Variants in CYLD observed in about 807,000 individuals in gnomAD.
CYLD encodes CYLD lysine 63 deubiquitinase, also known as ubiquitin carboxyl-terminal hydrolase CYLD.
CYLD carries 26 observed loss-of-function variants against 104.5 expected under a neutral mutation model. The ratio of observed to expected loss-of-function variants is 0.25; its 90% CI spans 0.18 to 0.35. CYLD has a LOEUF of 0.35. Ranked by LOEUF, CYLD falls within the 10% of genes least tolerant of loss-of-function variation. CYLD has a pLI of 1.00. For missense variants in CYLD, 703 were observed against 1,136.1 expected (o/e 0.62, Z 5.48); for synonymous variants, 385 against 399.9 (o/e 0.96, Z 0.45).
At chr16:50,752,915 A>G (rs1966748054) in intron 4 of CYLD, among the ~76,000 whole-genome samples, 1 of 152,216 alleles carries the variant, frequency 6.6e-6, no homozygotes, top group African/African-American at 2.4e-5. Flanking sequence ...TTTATCATAT[A>G]TTGAACATAT....
Position 50,794,442 on chromosome 16 carries a change from C to T in CYLD, c.2686+14C>T. On this transcript the variant is annotated intron_variant, in intron 18 of 18. Transcript: ENST00000427738. The surrounding 1 kb of genome is among the most constrained non-coding windows in gnomAD (Gnocchi z 4.1). ...CCGATCGGGATGGTACTGAAAACGC[C>T]TTTCTTCTGCATGTGGCACAGGGTT... is the stretch of plus-strand genomic sequence containing the variant. 1 of 1,613,062 alleles carries T rather than the reference C, an allele frequency of 6.2e-7. No homozygotes were observed. Among genetic ancestry groups the T allele is most frequent in the Non-Finnish European group, 8.5e-7 (1 of 1,179,098 alleles).
At chr16:50,779,474 C>A (rs1009024419) in intron 8 of CYLD, among the ~76,000 whole-genome samples, 191 bp from the exon 9 acceptor site, 1 of 151,992 alleles carries the variant, frequency 6.6e-6, no homozygotes, top group African/African-American at 2.4e-5. Flanking sequence ...GACTGAGGTG[C>A]ATAAATATGG....
intron 5 of CYLD, among the ~76,000 whole-genome samples, chr16:50,771,971 C>T (rs1969206945): frequency 6.6e-6 from 1 of 152,172 alleles, no homozygotes; most frequent in Non-Finnish European, 1.5e-5. Context: ...ACTAGTAAGT[C>T]TTGCAATCTA....
chr16:50,758,996 T>G (rs767575394), intron 5 of CYLD, among the ~76,000 whole-genome samples: 22 of 152,142 alleles, frequency 1.4e-4, no homozygotes, highest in Non-Finnish European at 3.1e-4. Flanking sequence ...CTCAGCACTT[T>G]AGGAAGCCGA....
At chr16:50,761,770 C>CTATCTATCTATCTATA (rs1249197541) in intron 5 of CYLD, among the ~76,000 whole-genome samples, 1 of 152,060 alleles carries the variant, frequency 6.6e-6, no homozygotes, top group East Asian at 1.9e-4. Context: ...ATCTATCTAT[C>CTATCTATCTATCTATA]TATCTATATC....
intron 15 of CYLD, 47 bp from the exon 16 acceptor site, chr16:50,792,548 AGT>A (rs1491415401): frequency 7.3e-6 from 10 of 1,364,338 alleles, no homozygotes; most frequent in Admixed American, 1.8e-5. Flanking sequence ...CATAGGGAAA[AGT>A]GTTTTTTTTA....
chr16:50,764,453 A>G (rs944012042), intron 5 of CYLD, among the ~76,000 whole-genome samples: 4 of 152,128 alleles, frequency 2.6e-5, no homozygotes, highest in African/African-American at 7.2e-5. Context: ...AAAGCCTCTT[A>G]ATTTTCTGTT....
intron 9 of CYLD, among the ~76,000 whole-genome samples, chr16:50,780,581 C>T (rs1056422933): frequency 5.9e-5 from 9 of 152,150 alleles, no homozygotes; most frequent in East Asian, 1.9e-4. Context: ...TGCAGTAGCA[C>T]GGTCAGGGCT....
Position 50,793,678 on chromosome 16 carries a change from C to T in CYLD, c.2469+14C>T. 1.3e-6 allele frequency: 2 copies of T among 1,501,018 alleles called. No individual in the cohort carries two copies. The highest frequency in any genetic ancestry group is 2.3e-5 in the South Asian group (2 of 88,726). The allele number at this position is 1,501,018 out of a possible 1,614,324, so 93.0% of individuals were successfully genotyped here. On this transcript the variant is annotated intron_variant, in intron 17 of 18. Transcript: ENST00000427738. ...TGCAACACTCAAGTGAGCTTCCCTT[C>T]ACTTAATGGATAAACTTTTGTTGAA... is the stretch of plus-strand genomic sequence containing the variant.
At chr16:50,760,120 G>C (rs1967735204) in intron 5 of CYLD, among the ~76,000 whole-genome samples, 1 of 152,068 alleles carries the variant, frequency 6.6e-6, no homozygotes, top group Admixed American at 6.6e-5. Flanking sequence ...GTTTTCTTGT[G>C]CATTTCACAT....
chr16:50,773,763 A>C (rs1310425693), intron 5 of CYLD, among the ~76,000 whole-genome samples: 2 of 152,176 alleles, frequency 1.3e-5, no homozygotes, highest in Non-Finnish European at 2.9e-5. Context: ...GGCCATGAAC[A>C]CAGTTGTGAC....
intron 14 of CYLD, 72 bp from the exon 15 acceptor site, chr16:50,791,486 G>C (rs2151029214): frequency 6.5e-7 from 1 of 1,541,338 alleles, no homozygotes; most frequent in Non-Finnish European, 8.9e-7. Context: ...AATACTGCTG[G>C]GACAACTTAA....
chr16:50,772,587 C>T (rs1969270169), intron 5 of CYLD, among the ~76,000 whole-genome samples: 1 of 152,134 alleles, frequency 6.6e-6, no homozygotes, highest in South Asian at 2.1e-4. Flanking sequence ...AATTTTTGAA[C>T]CAGCCTCCTA....
rs146043093 is a variant in CYLD at position 50,745,929 on chromosome 16, G to T, written c.-124+3088G>T. Among the ~76,000 whole-genome samples the T allele has an allele frequency of 1.8e-4, 27 of 152,090 alleles. No individual in the cohort carries two copies. In the East Asian group the frequency reaches 5.2e-3, roughly 29 times the overall value. On this transcript the variant is annotated intron_variant, in intron 2 of 18. Transcript: ENST00000427738. ...CACATCCCAGTGAAAGTAGACTGTT[G>T]GTGTTATATTCACTTCTACAGTGGG...
rs1972399713 is a variant in CYLD, at chr16:50,800,777, A to G, written c.*4269A>G. 8.6e-6 allele frequency: 2 copies of G among 233,324 alleles called. No homozygotes were observed. Among genetic ancestry groups the G allele is most frequent in the East Asian group, 1.2e-4 (2 of 16,680 alleles). The allele number at this position is 233,324 out of a possible 1,614,324, so 14.5% of individuals were successfully genotyped here. ...AGTAAGAGGTCTTTTTAAAGTAGGT[A>G]GGCTATAAGGCCTGTAATTTAAAAT... On this transcript the variant is annotated 3_prime_UTR_variant, in exon 19 of 19. Transcript: ENST00000427738.
intron 5 of CYLD, among the ~76,000 whole-genome samples, chr16:50,767,377 G>A (rs1490504952): frequency 6.6e-6 from 1 of 151,914 alleles, no homozygotes; most frequent in Non-Finnish European, 1.5e-5. Context: ...TGTGTGACTT[G>A]CTTTATTGTG....
At chr16:50,777,963 C>A in intron 8 of CYLD, 22 bp downstream of exon 8, 1 of 1,254,528 alleles carries the variant, frequency 8.0e-7, no homozygotes. Flanking sequence ...TTTTAGTGTT[C>A]TTTATAATGA....
At chr16:50,781,758 T>C (rs1206227094) in intron 10 of CYLD, among the ~76,000 whole-genome samples, 1 of 152,162 alleles carries the variant, frequency 6.6e-6, no homozygotes, top group Non-Finnish European at 1.5e-5. Flanking sequence ...CAGTGTCTTG[T>C]TTACAGCAGT....
chr16:50,793,473 T>C, intron 16 of CYLD, 73 bp from the exon 17 acceptor site: 1 of 1,044,446 alleles, frequency 9.6e-7, no homozygotes, highest in East Asian at 2.4e-5. Context: ...TAACTTTTCT[T>C]TACATCTTCT....
Sources: gnomAD v4.1 joint callset for allele counts (sites outside exome capture counted in the v4.1 genomes callset) on GRCh38, gnomAD v4.1.1 for gene constraint, Gnocchi (gnomAD v3.1) non-coding constraint, MANE v1.5 for transcripts, NCBI Gene and HGNC (gene_info 2026-07-23, HGNC 2026-07-21) for gene names.